HEY2: variants seen among roughly 807,000 people sequenced by gnomAD.
HEY2 encodes hairy/enhancer-of-split related with YRPW motif protein 2.
In HEY2, 10 loss-of-function variants were observed where a neutral mutation model predicts 18.1. That is an observed-to-expected ratio of 0.55 (90% CI 0.34 to 0.94). The LOEUF (loss-of-function observed/expected upper bound fraction) is 0.94, where lower values mean the gene tolerates loss of function less well. Ranked by LOEUF, HEY2 falls within the 40% of genes least tolerant of loss-of-function variation. The pLI is 0.02. For missense variants in HEY2, 455 were observed against 455.9 expected (o/e 1.00, Z 0.02); for synonymous variants, 210 against 182.7 (o/e 1.15, Z -1.21).
rs997611874 is a variant in HEY2, at chr6:125,761,138, C to T, written c.*1336C>T. On this transcript the variant is annotated 3_prime_UTR_variant, in exon 5 of 5. Coordinates refer to ENST00000368364, the MANE Select transcript of HEY2 (RefSeq NM_012259.3). ...CAATAAACATTATGAGAATGTTAAA[C>T]GTTATGCAAAATTATACTTTTAAAT... is the stretch of plus-strand genomic sequence containing the variant. The T allele has an allele frequency of 2.0e-5, 3 of 152,586 alleles. No individual in the cohort carries two copies. Among genetic ancestry groups the T allele is most frequent in the South Asian group, 2.1e-4 (1 of 4,822 alleles). The allele number at this position is 152,586 out of a possible 1,614,324, so 9.5% of individuals were successfully genotyped here.
At position 125,749,764 on chromosome 6, in the gene HEY2, G is replaced by T. The variant is rs774994881; in HGVS notation, c.-13G>T. ...CTTCCGGCCGGGCTGTGCCCCGCGC[G>T]GTCTTCGCCGGGATGAAGCGCCCCT... On this transcript the variant is annotated 5_prime_UTR_variant, in exon 1 of 5. Transcript: ENST00000368364. 7.7e-6 allele frequency: 12 copies of T among 1,560,328 alleles called. No homozygotes were observed. Among genetic ancestry groups the T allele is most frequent in the Non-Finnish European group, 1.0e-5 (12 of 1,153,184 alleles).
chr6:125,750,197 A>C, intron 1 of HEY2: 1 of 964,228 alleles, frequency 1.0e-6, no homozygotes, highest in Non-Finnish European at 1.2e-6. Flanking sequence ...CTGAAACCGT[A>C]TTTGGGGGCA....
In HEY2 at chr6:125,761,045, G is replaced by C. The variant is rs1015457138; in HGVS notation, c.*1243G>C. The C allele has an allele frequency of 6.6e-6, 1 of 152,578 alleles. No homozygotes were observed. The highest frequency in any genetic ancestry group is 2.4e-5 in the African/African-American group (1 of 41,438). 9.5% of individuals were successfully genotyped at this position (152,578 alleles called of 1,614,324 possible). A position where few individuals can be genotyped will look rare whatever the true frequency, so the allele number is the denominator to read the frequency against. Reference sequence around the variant, plus strand: ...ATATGCTGAAATCAAGCACGTGAGAGTTTTTGTTTAAAAGATAAGAGACAC... The same window carrying C: ...ATATGCTGAAATCAAGCACGTGAGACTTTTTGTTTAAAAGATAAGAGACAC... On this transcript the variant is annotated 3_prime_UTR_variant, in exon 5 of 5. Transcript: ENST00000368364.
chr6:125,750,144 C>G, intron 1 of HEY2: 1 of 634,756 alleles, frequency 1.6e-6, no homozygotes. Flanking sequence ...CACAGTTGGA[C>G]GCGCGAACGG....
At chr6:125,755,602 T>C (rs1362489734) in intron 4 of HEY2, among the ~76,000 whole-genome samples, 1 of 152,136 alleles carries the variant, frequency 6.6e-6, no homozygotes, top group African/African-American at 2.4e-5. Context: ...GGCCATACCA[T>C]TGAGGATCTC....
rs1040703051 is a variant in HEY2 at position 125,760,995 on chromosome 6, C to T, written c.*1193C>T. The T allele has an allele frequency of 1.3e-5, 2 of 152,456 alleles. No homozygotes were observed. Among genetic ancestry groups the T allele is most frequent in the African/African-American group, 2.4e-5 (1 of 41,404 alleles). 9.4% of individuals were successfully genotyped at this position (152,456 alleles called of 1,614,324 possible). A position where few individuals can be genotyped will look rare whatever the true frequency, so the allele number is the denominator to read the frequency against. ...GTTGTGGTTTTGTTTTTTTCGATTT[C>T]GTTTAATGACAAAATAATCTCTTAA... On this transcript the variant is annotated 3_prime_UTR_variant, in exon 5 of 5. Transcript: ENST00000368364.
chr6:125,757,673 G>A (rs1583190612), intron 4 of HEY2, among the ~76,000 whole-genome samples: 1 of 152,232 alleles, frequency 6.6e-6, no homozygotes, highest in African/African-American at 2.4e-5. Flanking sequence ...TAACTGCTGG[G>A]TGTGGTGGCT....
intron 4 of HEY2, 121 bp from the exon 5 acceptor site, chr6:125,758,996 C>A: frequency 1.5e-6 from 1 of 675,158 alleles, no homozygotes; most frequent in Non-Finnish European, 2.5e-6. Flanking sequence ...CGTTCCACTT[C>A]AGTCTTCTGA....
chr6:125,749,872 T>C lies in HEY2; in HGVS notation c.83+13T>C. 1.3e-6 allele frequency: 2 copies of C among 1,557,314 alleles called. No individual in the cohort carries two copies. The highest frequency in any genetic ancestry group is 2.7e-5 in the African/African-American group (2 of 73,356). ...ACAATTACTCGGGGTGAGCGCGGGCTCCGCGGGAGCGGCCCGCAGCTCGGG... is the reference window on the plus strand; with the variant it reads ...ACAATTACTCGGGGTGAGCGCGGGCCCCGCGGGAGCGGCCCGCAGCTCGGG... On this transcript the variant is annotated intron_variant, in intron 1 of 4. Coordinates refer to ENST00000368364, the MANE Select transcript of HEY2 (RefSeq NM_012259.3).
chr6:125,753,516 A>G (rs1029252027), intron 3 of HEY2, among the ~76,000 whole-genome samples: 15 of 152,122 alleles, frequency 9.9e-5, no homozygotes, highest in Admixed American at 2.0e-4. Flanking sequence ...GATAATTTTT[A>G]CAAAACAAGT....
chr6:125,758,151 TTGTGCCCTA>T (rs1773701975), intron 4 of HEY2, among the ~76,000 whole-genome samples: 1 of 105,016 alleles, frequency 9.5e-6, no homozygotes, highest in African/African-American at 3.1e-5. Flanking sequence ...CTGATTATTA[TTGTGCCCTA>T]CATGCCCTAC....
rs144449604 is a variant in HEY2 at position 125,750,379 on chromosome 6, C to G, written c.83+520C>G. ...ACTTGGCTAACGCAAGAGTGAGTGACAGATGTAAGCATCGGAAAGGGCATC... is the reference window on the plus strand; with the variant it reads ...ACTTGGCTAACGCAAGAGTGAGTGAGAGATGTAAGCATCGGAAAGGGCATC... On this transcript the variant is annotated intron_variant, in intron 1 of 4. Coordinates refer to ENST00000368364, the MANE Select transcript of HEY2 (RefSeq NM_012259.3). 1,826 of 985,440 alleles carry G rather than the reference C, an allele frequency of 1.9e-3. 4 individuals carry two copies. Among genetic ancestry groups the G allele is most frequent in the Middle Eastern group, 5.2e-3 (10 of 1,914 alleles). The allele number at this position is 985,440 out of a possible 1,614,324, so 61.0% of individuals were successfully genotyped here.
At chr6:125,757,062 T>C (rs1773675718) in intron 4 of HEY2, among the ~76,000 whole-genome samples, 1 of 152,240 alleles carries the variant, frequency 6.6e-6, no homozygotes, top group Admixed American at 6.5e-5. Flanking sequence ...TCATGACCAG[T>C]AATGAAAATT....
In HEY2 at chr6:125,760,041, C is replaced by T. The variant is rs1773764791; in HGVS notation, c.*239C>T. ...ATCAGCAACTTTTGAAAACTTCACA[C>T]TTGTTACCATTTAGAAGTTTCCTGG... On this transcript the variant is annotated 3_prime_UTR_variant, in exon 5 of 5. Transcript: ENST00000368364. 2 of 553,540 alleles carry T rather than the reference C, an allele frequency of 3.6e-6. No individual in the cohort carries two copies. The highest frequency in any genetic ancestry group is 3.2e-6 in the Non-Finnish European group (1 of 312,180). The allele number at this position is 553,540 out of a possible 1,614,324, so 34.3% of individuals were successfully genotyped here. A position where few individuals can be genotyped will look rare whatever the true frequency, so the allele number is the denominator to read the frequency against.
At chr6:125,757,634 A>C (rs1322582100) in intron 4 of HEY2, among the ~76,000 whole-genome samples, 1 of 152,256 alleles carries the variant, frequency 6.6e-6, no homozygotes, top group Non-Finnish European at 1.5e-5. Context: ...CAGCAAAAAC[A>C]TAGATAATGT....
chr6:125,750,551 C>G (rs750971433), intron 1 of HEY2, among the ~76,000 whole-genome samples: 3 of 152,162 alleles, frequency 2.0e-5, no homozygotes, highest in African/African-American at 4.8e-5. Flanking sequence ...TAATTGGCAT[C>G]CCCAGAAGCA....
At chr6:125,755,251 G>A (rs1773632106) in intron 4 of HEY2, among the ~76,000 whole-genome samples, 1 of 152,164 alleles carries the variant, frequency 6.6e-6, no homozygotes, top group Non-Finnish European at 1.5e-5. Flanking sequence ...GAGGTGGTGA[G>A]AGAGGATCTC....
At chr6:125,757,998 A>T (rs111893376) in intron 4 of HEY2, among the ~76,000 whole-genome samples, 1,988 of 152,322 alleles carry the variant, frequency 0.013, 43 homozygotes, top group African/African-American at 0.046. Context: ...GATATTTCTT[A>T]TTCATGTATA....
At chr6:125,755,906 C>G (rs1773645314) in intron 4 of HEY2, among the ~76,000 whole-genome samples, 1 of 152,158 alleles carries the variant, frequency 6.6e-6, no homozygotes, top group Non-Finnish European at 1.5e-5. Context: ...CGCCAAGGGC[C>G]CCTGCAGCTC....
Sources: allele counts gnomAD v4.1 joint callset (sites outside exome capture counted in the v4.1 genomes callset), GRCh38; gene constraint gnomAD v4.1.1; transcripts MANE v1.5; gene names NCBI Gene and HGNC (gene_info 2026-07-23, HGNC 2026-07-21).